VSTM4: variants seen among roughly 807,000 people sequenced by gnomAD.
The protein encoded by VSTM4 is V-set and transmembrane domain-containing protein 4.
In VSTM4, 20 loss-of-function variants were observed where a neutral mutation model predicts 36.4. The observed-to-expected ratio is 0.55, with a 90% CI of 0.39 to 0.80. VSTM4 has a LOEUF of 0.80. Ranked by LOEUF, VSTM4 falls within the 30% of genes least tolerant of loss-of-function variation. The pLI, the probability that VSTM4 is intolerant of heterozygous loss-of-function variation, is 0.00. For missense variants in VSTM4, 392 were observed against 404.5 expected (o/e 0.97, Z 0.26); for synonymous variants, 182 against 173.9 (o/e 1.05, Z -0.37).
Position 49,036,305 on chromosome 10 carries a change from A to G in VSTM4, c.837+10678T>C, listed in dbSNP as rs79987151. Among the ~76,000 whole-genome samples the G allele has an allele frequency of 1.2e-4, 18 of 152,328 alleles. 1 individual carries two copies. In the East Asian group the frequency reaches 3.5e-3, roughly 29 times the overall value. ...GCATGTGTACCTAGGGGAGCATAGA[A>G]ATTTTATCTCTGCAAAAATGGTACT... is the stretch of plus-strand genomic sequence containing the variant. On this transcript the variant is annotated intron_variant, in intron 7 of 7. Transcript: ENST00000332853.
At chr10:49,102,718 CAA>C in intron 2 of VSTM4, 3 of 985,448 alleles carry the variant, frequency 3.0e-6, no homozygotes, top group Non-Finnish European at 3.6e-6. Flanking sequence ...ACGCCTACTT[CAA>C]AGTCATCCAC....
Position 49,103,758 on chromosome 10 carries a change from A to G in VSTM4, c.457+3836T>C, listed in dbSNP as rs375742915. ...TATCTCACATCAAGAACTCTGCAGG[A>G]AGGAGGCCATGGTTAAGTCTGCGGT... is the stretch of plus-strand genomic sequence containing the variant. On this transcript the variant is annotated intron_variant, in intron 2 of 7. Coordinates refer to ENST00000332853, the MANE Select transcript of VSTM4 (RefSeq NM_001031746.5). The G allele has an allele frequency of 1.7e-5, 28 of 1,614,010 alleles. No individual in the cohort carries two copies. In the African/African-American group the frequency reaches 2.9e-4, roughly 17 times the overall value.
intron 7 of VSTM4, among the ~76,000 whole-genome samples, chr10:49,025,082 C>T (rs924086803): frequency 2.0e-5 from 3 of 152,008 alleles, no homozygotes; most frequent in African/African-American, 7.2e-5. Flanking sequence ...AAGGCGGCAT[C>T]TGCAAGCCAA....
At chr10:49,029,562 C>T (rs77269999) in intron 7 of VSTM4, among the ~76,000 whole-genome samples, 5,490 of 152,304 alleles carry the variant, frequency 0.036, 286 homozygotes, top group African/African-American at 0.1. Context: ...TGGGCAGTCC[C>T]AGGCATCGCA....
chr10:49,088,213 G>A (rs1844407969), intron 2 of VSTM4, among the ~76,000 whole-genome samples: 1 of 152,052 alleles, frequency 6.6e-6, no homozygotes, highest in African/African-American at 2.4e-5. Context: ...AAAAAGTAGT[G>A]GCTATATCTT....
At chr10:49,033,261 T>C (rs1367184716) in intron 7 of VSTM4, among the ~76,000 whole-genome samples, 1 of 152,196 alleles carries the variant, frequency 6.6e-6, no homozygotes, top group Non-Finnish European at 1.5e-5. Flanking sequence ...GCCTGAGATA[T>C]TGTTAATGAG....
intron 4 of VSTM4, 93 bp downstream of exon 4, chr10:49,077,126 T>C (rs1329196927): frequency 1.5e-6 from 2 of 1,306,898 alleles, no homozygotes; most frequent in Admixed American, 1.9e-5. Context: ...ACAATGCACT[T>C]TTCCACCAAG....
At chr10:49,106,734 G>T (rs1037560842) in intron 2 of VSTM4, among the ~76,000 whole-genome samples, 1 of 152,230 alleles carries the variant, frequency 6.6e-6, no homozygotes. Flanking sequence ...ACAGACCTGG[G>T]TGGGAGGCTG....
intron 4 of VSTM4, among the ~76,000 whole-genome samples, chr10:49,067,822 T>C (rs2131981307): frequency 6.6e-6 from 1 of 152,326 alleles, no homozygotes; most frequent in Non-Finnish European, 1.5e-5. Flanking sequence ...CTCTTGTAAC[T>C]ATAGTCATCC....
chr10:49,020,560 G>A (rs1843165885), intron 7 of VSTM4, among the ~76,000 whole-genome samples: 2 of 151,962 alleles, frequency 1.3e-5, no homozygotes, highest in African/African-American at 2.4e-5. Context: ...GTTTAAAAAT[G>A]CTTAAACAAG....
chr10:49,106,496 A>C (rs1011448510), intron 2 of VSTM4, among the ~76,000 whole-genome samples: 1 of 152,388 alleles, frequency 6.6e-6, no homozygotes, highest in Non-Finnish European at 1.5e-5. Context: ...GAGATGTTGC[A>C]GAAATGCTGT....
chr10:49,070,382 GT>G (rs746048053), intron 4 of VSTM4, among the ~76,000 whole-genome samples: 11 of 150,396 alleles, frequency 7.3e-5, no homozygotes, highest in Non-Finnish European at 1.3e-4. Flanking sequence ...AATTTTACCT[GT>G]TGCTTTTTAC....
intron 1 of VSTM4, 28 bp downstream of exon 1, chr10:49,115,403 C>G (rs1356670706): frequency 2.0e-6 from 2 of 1,014,508 alleles, no homozygotes; most frequent in African/African-American, 1.7e-5. Flanking sequence ...CCACCCTTCC[C>G]GCTCCCGCCT....
Position 49,015,034 on chromosome 10 carries a change from G to C in VSTM4, c.*4616C>G, listed in dbSNP as rs1843083335. ...CCTTGTCACTCAAAGTGTGGTTCAG[G>C]GACCAGAAGCATGGACATCCCTGGG... On this transcript the variant is annotated 3_prime_UTR_variant, in exon 8 of 8. Coordinates refer to ENST00000332853, the MANE Select transcript of VSTM4 (RefSeq NM_001031746.5). 1 of 152,118 alleles carries C rather than the reference G, an allele frequency of 6.6e-6. No individual in the cohort carries two copies. Among genetic ancestry groups the C allele is most frequent in the Non-Finnish European group, 1.5e-5 (1 of 68,078 alleles). 9.4% of individuals were successfully genotyped at this position (152,118 alleles called of 1,614,324 possible). A position where few individuals can be genotyped will look rare whatever the true frequency, so the allele number is the denominator to read the frequency against.
intron 5 of VSTM4, among the ~76,000 whole-genome samples, chr10:49,050,142 A>G (rs1243856720): frequency 6.6e-6 from 1 of 152,224 alleles, no homozygotes; most frequent in African/African-American, 2.4e-5. Flanking sequence ...GTGTCCTGAT[A>G]AGGAAAGATG....
intron 7 of VSTM4, among the ~76,000 whole-genome samples, chr10:49,036,104 T>C (rs1037448037): frequency 1.3e-5 from 2 of 152,146 alleles, no homozygotes; most frequent in Non-Finnish European, 2.9e-5. Context: ...GTGGGAGAGA[T>C]ATGATCTTGA....
intron 7 of VSTM4, among the ~76,000 whole-genome samples, chr10:49,029,301 G>A (rs1590069424): frequency 6.6e-6 from 1 of 152,324 alleles, no homozygotes; most frequent in South Asian, 2.1e-4. Context: ...TGGTGTATAT[G>A]TTAAATAAAA....
chr10:49,028,345 C>G (rs1228618459), intron 7 of VSTM4, among the ~76,000 whole-genome samples: 1 of 152,192 alleles, frequency 6.6e-6, no homozygotes, highest in Admixed American at 6.5e-5. Flanking sequence ...CTTGCAATGG[C>G]CTGTCTAGCC....
chr10:49,037,606 T>G lies in VSTM4; in HGVS notation c.837+9377A>C, dbSNP rs572653015. ...CAGTTCTCCCTGACTTTAAAACCAG[T>G]TCCCATGTAAATTTAAAGCTTCTGG... On this transcript the variant is annotated intron_variant, in intron 7 of 7. Transcript: ENST00000332853. 4.6e-5 allele frequency among the ~76,000 whole-genome samples: 7 copies of G among 152,318 alleles called. No individual in the cohort carries two copies. The South Asian group carries it at 1.4e-3, about 32-fold the overall frequency.
Sources: allele counts gnomAD v4.1 joint callset (sites outside exome capture counted in the v4.1 genomes callset), GRCh38; gene constraint gnomAD v4.1.1; transcripts MANE v1.5; gene names NCBI Gene and HGNC (gene_info 2026-07-23, HGNC 2026-07-21).